The following PAPPA variants were observed in gnomAD, a reference collection of about 807,000 sequenced individuals.
PAPPA encodes the protein pappalysin 1, also known as pappalysin-1.
Under a neutral mutation model 164.0 loss-of-function variants are expected in PAPPA, and 60 were observed. That is an observed-to-expected ratio of 0.37 (90% CI 0.30 to 0.45). The LOEUF is 0.45. Ranked by LOEUF, PAPPA falls within the 20% of genes least tolerant of loss-of-function variation. The probability of loss-of-function intolerance (pLI) is 1.00; values close to 1 mark genes in which losing one functional copy is unlikely to be tolerated. For synonymous variants in PAPPA, 875 were observed against 814.1 expected (o/e 1.07, Z -1.27); for missense variants, 1,782 against 2,087.3 (o/e 0.85, Z 2.85).
intron 21 of PAPPA, among the ~76,000 whole-genome samples, chr9:116,388,718 T>C (rs1330882673): frequency 6.6e-6 from 1 of 152,150 alleles, no homozygotes; most frequent in Non-Finnish European, 1.5e-5. Flanking sequence ...GATGAGTTGG[T>C]CATTGAGCAG....
chr9:116,170,728 GCTATCCATCCAT>G (rs1843766963), intron 1 of PAPPA, among the ~76,000 whole-genome samples: 1 of 146,108 alleles, frequency 6.8e-6, no homozygotes, highest in Admixed American at 7.2e-5. Context: ...CTTCTTTTCT[GCTATCCATCCAT>G]CTATCCATCC....
chr9:116,154,516 C>T lies in PAPPA; in HGVS notation c.344C>T (p.Pro115Leu). The T allele has an allele frequency of 7.1e-7, 1 of 1,398,846 alleles. No individual in the cohort carries two copies. Among genetic ancestry groups the T allele is most frequent in the East Asian group, 3.1e-5 (1 of 32,632 alleles). 86.7% of individuals were successfully genotyped at this position (1,398,846 alleles called of 1,614,324 possible). ...QLRLRADLEL[P>L]RDAFTLQVWL... ...CGCCTCCGGGCCGACCTCGAGCTGC[C>T]CCGGGACGCGTTCACGCTGCAAGTG... Residue 115 changes from proline (P) to leucine (L), a missense_variant, in exon 1 of 22, where the codon CCC (proline) becomes CTC (leucine). Transcript: ENST00000328252. This position sits in a 1 kb window ranked among gnomAD's most constrained non-coding sequence, Gnocchi z 5.2.
chr9:116,361,734 T>A (rs530143212), intron 17 of PAPPA, among the ~76,000 whole-genome samples: 3 of 152,326 alleles, frequency 2.0e-5, no homozygotes, highest in East Asian at 1.9e-4. Flanking sequence ...GTGGATCACA[T>A]GACTGCCATT....
intron 10 of PAPPA, among the ~76,000 whole-genome samples, chr9:116,326,966 C>T (rs765246457): frequency 6.6e-6 from 1 of 152,170 alleles, no homozygotes; most frequent in Non-Finnish European, 1.5e-5. Flanking sequence ...ATCACATATT[C>T]TTTATCCATT....
At chr9:116,362,805 CT>C (rs750202609) in intron 18 of PAPPA, 66 bp downstream of exon 18, 59 of 1,510,474 alleles carry the variant, frequency 3.9e-5, no homozygotes, top group Non-Finnish European at 5.3e-5. Context: ...GGGCTAATGC[CT>C]GGGTGGGTCA....
chr9:116,352,873 A>C lies in PAPPA; in HGVS notation c.4132A>C (p.Lys1378Gln), dbSNP rs779691254. The C allele has an allele frequency of 6.2e-7, 1 of 1,614,154 alleles. No homozygotes were observed. Among genetic ancestry groups the C allele is most frequent in the Non-Finnish European group, 8.5e-7 (1 of 1,180,028 alleles). Reference protein sequence around the residue: ...KVGSFCKYKCKPGYHVPGSSR... With the variant: ...KVGSFCKYKCQPGYHVPGSSR... ...GGGCTCCTTCTGCAAATACAAATGC[A>C]AGCCTGGATACCATGTGCCTGGATC... Residue 1378 changes from lysine to glutamine, a missense_variant, in exon 16 of 22, where the codon AAG becomes CAG. By Grantham distance (53) the Lys-to-Gln change is moderately conservative. Around this residue, in one of 2 missense-constraint regions of PAPPA, gnomAD observed 1,324 missense variants for 1,656.9 expected, o/e 0.80. Coordinates refer to ENST00000328252, the MANE Select transcript of PAPPA (RefSeq NM_002581.5).
intron 13 of PAPPA, among the ~76,000 whole-genome samples, chr9:116,340,515 T>C (rs1238415251): frequency 6.6e-6 from 1 of 152,020 alleles, no homozygotes; most frequent in African/African-American, 2.4e-5. Flanking sequence ...CCTCAAGGAG[T>C]TGCTGTGTGG....
intron 7 of PAPPA, among the ~76,000 whole-genome samples, chr9:116,262,556 T>C (rs944141473): frequency 6.6e-6 from 1 of 152,198 alleles, no homozygotes; most frequent in African/African-American, 2.4e-5. Context: ...ATTCTGACGA[T>C]GTTGGCAAGA....
Position 116,227,431 on chromosome 9 carries a change from A to T in PAPPA, c.2112A>T (p.Arg704Ser). The T allele has an allele frequency of 6.2e-7, 1 of 1,613,938 alleles. No homozygotes were observed. The highest frequency in any genetic ancestry group is 2.2e-5 in the East Asian group (1 of 44,854). ...FPPIDGHFFE[R>S]ELGSACHLCL... ...TTTCCCTCTTTCCTTGGCCTCCTAG[A>T]GAATTGGGATCAGCATGTCATCTTT... The change falls in exon 6 of 22, where the codon AGA becomes AGT. Residue 704 changes from arginine (R) to serine (S), a missense_variant and splice_region_variant. Transcript: ENST00000328252.
At chr9:116,250,423 C>T (rs1844847473) in intron 7 of PAPPA, among the ~76,000 whole-genome samples, 1 of 152,216 alleles carries the variant, frequency 6.6e-6, no homozygotes, top group Non-Finnish European at 1.5e-5. Flanking sequence ...AATGCCAGGA[C>T]AGCTGGACTC....
intron 21 of PAPPA, among the ~76,000 whole-genome samples, chr9:116,394,192 G>A (rs1588034540): frequency 1.3e-5 from 2 of 152,134 alleles, no homozygotes; most frequent in South Asian, 2.1e-4. Flanking sequence ...TGTGGAAGGT[G>A]GGCGGTGGGG....
chr9:116,385,954 T>C (rs1846805609), intron 21 of PAPPA, among the ~76,000 whole-genome samples: 1 of 152,194 alleles, frequency 6.6e-6, no homozygotes, highest in Non-Finnish European at 1.5e-5. Flanking sequence ...AAGTGTGAGA[T>C]TTTATGGAGA....
chr9:116,247,056 T>C (rs553643222), intron 7 of PAPPA, among the ~76,000 whole-genome samples: 3 of 151,888 alleles, frequency 2.0e-5, no homozygotes, highest in Admixed American at 2.0e-4. Context: ...AGAAAATAAA[T>C]GTTGTTACCT....
chr9:116,221,220 T>A (rs1214348390), intron 5 of PAPPA, among the ~76,000 whole-genome samples: 1 of 152,172 alleles, frequency 6.6e-6, no homozygotes, highest in Non-Finnish European at 1.5e-5. Flanking sequence ...GCTCAAGCTC[T>A]AAGGGGACCA....
At chr9:116,233,644 A>T (rs1844624566) in intron 6 of PAPPA, among the ~76,000 whole-genome samples, 1 of 151,952 alleles carries the variant, frequency 6.6e-6, no homozygotes. Flanking sequence ...TCTCTTCTCC[A>T]TCTCCACTTG....
At position 116,225,404 on chromosome 9, in the gene PAPPA, G is replaced by C. The variant is rs139967308; in HGVS notation, c.2112-2027G>C. On this transcript the variant is annotated intron_variant, in intron 5 of 21. Coordinates refer to ENST00000328252, the MANE Select transcript of PAPPA (RefSeq NM_002581.5). ...TGTAGAAAATTTAGAAAACCAGAAAGAGTAATAATAGGGGGTGGGATCAAT... is the reference window on the plus strand; with the variant it reads ...TGTAGAAAATTTAGAAAACCAGAAACAGTAATAATAGGGGGTGGGATCAAT... 5.8e-3 allele frequency among the ~76,000 whole-genome samples: 888 copies of C among 152,290 alleles called. 5 individuals are homozygous for C. Among genetic ancestry groups the C allele is most frequent in the Admixed American group, 0.013 (196 of 15,290 alleles).
intron 7 of PAPPA, among the ~76,000 whole-genome samples, chr9:116,240,416 C>T (rs1172420494): frequency 6.6e-6 from 1 of 152,184 alleles, no homozygotes; most frequent in African/African-American, 2.4e-5. Flanking sequence ...AGAATATAAA[C>T]TCCCCGAGGG....
intron 13 of PAPPA, among the ~76,000 whole-genome samples, chr9:116,337,959 CA>C (rs971738347): frequency 3.9e-5 from 6 of 152,046 alleles, no homozygotes; most frequent in African/African-American, 1.2e-4. Context: ...AGCCCCACAC[CA>C]AGTTGTGGAA....
Position 116,265,994 on chromosome 9 carries a change from A to G in PAPPA, c.2861+9A>G. On this transcript the variant is annotated intron_variant, in intron 8 of 21. Coordinates refer to ENST00000328252, the MANE Select transcript of PAPPA (RefSeq NM_002581.5). ...GATGGCATTATACAAAAGTAAGTAG[A>G]TCTAATTAAAGAAAGAAGAGGAGGG... 1 of 1,593,358 alleles carries G rather than the reference A, an allele frequency of 6.3e-7. No homozygotes were observed. The highest frequency in any genetic ancestry group is 8.6e-7 in the Non-Finnish European group (1 of 1,163,832).
Sources: gnomAD v4.1 joint callset for allele counts (sites outside exome capture counted in the v4.1 genomes callset) on GRCh38, gnomAD v4.1.1 for gene constraint, gnomAD v4.1.1 regional missense constraint, Gnocchi (gnomAD v3.1) non-coding constraint, MANE v1.5 for transcripts, NCBI Gene and HGNC (gene_info 2026-07-23, HGNC 2026-07-21) for gene names.